FTO: variants seen among roughly 807,000 people sequenced by gnomAD.
FTO encodes the protein alpha-ketoglutarate-dependent dioxygenase FTO.
A neutral mutation model predicts 63.9 loss-of-function variants in FTO; 47 were observed. The ratio of observed to expected loss-of-function variants is 0.74; its 90% CI spans 0.58 to 0.94. The LOEUF (loss-of-function observed/expected upper bound fraction) is 0.94, where lower values mean the gene tolerates loss of function less well. Ranked by LOEUF, FTO falls within the 40% of genes least tolerant of loss-of-function variation. FTO has a pLI of 0.00. For missense variants in FTO, 562 were observed against 618.1 expected (o/e 0.91, Z 0.96); for synonymous variants, 207 against 224.4 (o/e 0.92, Z 0.69).
rs78496368 is a variant in FTO at position 53,829,999 on chromosome 16, G to T, written c.751+3508G>T. On this transcript the variant is annotated intron_variant, in intron 3 of 8. Transcript: ENST00000471389. ...TGGGAATTCAGATACAGAAGTGATT[G>T]CTTCCTGCTGAAATTAAATTCAGTT... Among the ~76,000 whole-genome samples, 422 of 152,280 alleles carry T rather than the reference G, an allele frequency of 2.8e-3. 1 individual carries two copies. The highest frequency in any genetic ancestry group is 9.6e-3 in the African/African-American group (397 of 41,560).
intron 1 of FTO, among the ~76,000 whole-genome samples, chr16:53,802,085 G>GT (rs1057266377): frequency 1.3e-5 from 2 of 152,160 alleles, no homozygotes; most frequent in Admixed American, 6.6e-5. Context: ...TATTTTTATA[G>GT]TTTTTTTGGG....
At chr16:53,784,712 A>G (rs2077686362) in intron 1 of FTO, among the ~76,000 whole-genome samples, 1 of 152,236 alleles carries the variant, frequency 6.6e-6, no homozygotes, top group South Asian at 2.1e-4. Context: ...AGGTTTCATT[A>G]CCAGTCATTG....
intron 8 of FTO, among the ~76,000 whole-genome samples, chr16:54,085,666 G>A (rs936868303): frequency 1.5e-4 from 23 of 152,190 alleles, no homozygotes; most frequent in African/African-American, 5.5e-4. Context: ...TTTTCTGTAA[G>A]TAAGGAGCAT....
At chr16:54,038,852 C>T (rs2085006018) in intron 8 of FTO, among the ~76,000 whole-genome samples, 1 of 152,286 alleles carries the variant, frequency 6.6e-6, no homozygotes, top group African/African-American at 2.4e-5. Context: ...AACCATAAGC[C>T]AAATTAACCT....
At chr16:53,753,981 C>T (rs887538922) in intron 1 of FTO, among the ~76,000 whole-genome samples, 14 of 152,198 alleles carry the variant, frequency 9.2e-5, no homozygotes, top group Admixed American at 3.3e-4. Context: ...ATACAATTGA[C>T]GTCTCCATTT....
intron 7 of FTO, among the ~76,000 whole-genome samples, chr16:53,892,542 C>G (rs1179081998): frequency 6.6e-6 from 1 of 152,134 alleles, no homozygotes. Context: ...CTATCTTACT[C>G]AAAATTATTA....
At chr16:53,857,089 G>A (rs2080022937) in intron 4 of FTO, among the ~76,000 whole-genome samples, 1 of 151,684 alleles carries the variant, frequency 6.6e-6, no homozygotes, top group South Asian at 2.1e-4. Flanking sequence ...TTTTCTCCCA[G>A]CTTTTATTTC....
chr16:53,741,884 G>C (rs1436802544), intron 1 of FTO, among the ~76,000 whole-genome samples: 2 of 152,142 alleles, frequency 1.3e-5, no homozygotes, highest in Admixed American at 1.3e-4. Context: ...AGACTTGACT[G>C]GGGTGGAGGG....
Position 53,888,341 on chromosome 16 carries a change from C to T in FTO, c.1120-491C>T, listed in dbSNP as rs141759593. Among the ~76,000 whole-genome samples the T allele has an allele frequency of 1.4e-3, 83 of 57,694 alleles. 1 individual carries two copies. The East Asian group carries it at 0.053, about 37-fold the overall frequency. 37.8% of individuals were successfully genotyped at this position (57,694 alleles called of 152,430 possible). On this transcript the variant is annotated intron_variant, in intron 6 of 8. Transcript: ENST00000471389. The stretch of plus-strand genomic sequence containing the variant: ...GCCTCAGCCTCCCAAGCAGCCAGGA[C>T]GACCAGCACACACCACTGCCAATTT...
At chr16:54,095,070 TTTTC>T (rs2086485093) in intron 8 of FTO, among the ~76,000 whole-genome samples, 1 of 152,056 alleles carries the variant, frequency 6.6e-6, no homozygotes, top group Non-Finnish European at 1.5e-5. Context: ...CCTAACTCTT[TTTTC>T]TTTCTTTTTT....
intron 1 of FTO, among the ~76,000 whole-genome samples, chr16:53,714,167 G>C (rs1393936591): frequency 1.3e-5 from 2 of 152,208 alleles, no homozygotes; most frequent in Non-Finnish European, 2.9e-5. Flanking sequence ...CTGAGGAGGA[G>C]ATTTGTTGCC....
intron 8 of FTO, among the ~76,000 whole-genome samples, chr16:53,945,341 A>G (rs1267678108): frequency 2.6e-5 from 4 of 152,238 alleles, no homozygotes; most frequent in African/African-American, 9.6e-5. Context: ...AATGTTTTAT[A>G]TGATGAGAAA....
At position 53,982,661 on chromosome 16, in the gene FTO, C is replaced by T. The variant is rs1019859697; in HGVS notation, c.1364+48552C>T. On this transcript the variant is annotated intron_variant, in intron 8 of 8. Coordinates refer to ENST00000471389, the MANE Select transcript of FTO (RefSeq NM_001080432.3). ...AAGCTGTGCCCAAGAAACTTAGTTT[C>T]CTAACTGGGCTCTGCAGCTGTTGAA... Among the ~76,000 whole-genome samples the T allele has an allele frequency of 5.9e-5, 9 of 152,174 alleles. No homozygotes were observed. The South Asian group carries it at 6.2e-4, about 10-fold the overall frequency.
intron 4 of FTO, among the ~76,000 whole-genome samples, chr16:53,861,006 A>G (rs1281208276): frequency 6.6e-6 from 1 of 152,208 alleles, no homozygotes; most frequent in Non-Finnish European, 1.5e-5. Context: ...TACATTTTAC[A>G]TTGTAGATAT....
At position 53,826,002 on chromosome 16, in the gene FTO, A is replaced by G; in HGVS notation, c.262A>G (p.Lys88Glu). 1 of 1,614,226 alleles carries G rather than the reference A, an allele frequency of 6.2e-7. No individual in the cohort carries two copies. Among genetic ancestry groups the G allele is most frequent in the Non-Finnish European group, 8.5e-7 (1 of 1,180,038 alleles). ...LFRDLVRIQGKDLLTPVSRIL... is the reference protein window; with the variant it reads ...LFRDLVRIQGEDLLTPVSRIL... Reference sequence around the variant, plus strand: ...TCGGGACCTGGTTAGGATCCAAGGCAAAGATCTGCTCACTCCGGTATCTCG... The same window carrying G: ...TCGGGACCTGGTTAGGATCCAAGGCGAAGATCTGCTCACTCCGGTATCTCG... The change falls in exon 3 of 9, where the codon AAA becomes GAA. Residue 88 changes from lysine to glutamate, a missense_variant. Coordinates refer to ENST00000471389, the MANE Select transcript of FTO (RefSeq NM_001080432.3).
At chr16:53,917,868 T>C (rs2081917612) in intron 7 of FTO, among the ~76,000 whole-genome samples, 1 of 152,090 alleles carries the variant, frequency 6.6e-6, no homozygotes, top group Admixed American at 6.5e-5. Context: ...TAGGTAGATA[T>C]TATCTAAGGA....
At chr16:53,945,078 C>G (rs939461485) in intron 8 of FTO, among the ~76,000 whole-genome samples, 1 of 152,170 alleles carries the variant, frequency 6.6e-6, no homozygotes, top group Admixed American at 6.5e-5. Context: ...CACAGACACT[C>G]TACGCCTTAG....
rs74515101 is a variant in FTO at position 53,969,542 on chromosome 16, A to C, written c.1364+35433A>C. Among the ~76,000 whole-genome samples the C allele has an allele frequency of 3.5e-3, 530 of 152,282 alleles. 3 individuals are homozygous for C. Among genetic ancestry groups the C allele is most frequent in the African/African-American group, 0.012 (501 of 41,562 alleles). On this transcript the variant is annotated intron_variant, in intron 8 of 8. Coordinates refer to ENST00000471389, the MANE Select transcript of FTO (RefSeq NM_001080432.3). ...GTAAATGAACATAATATATACTGTC[A>C]TTGGTAGTTTGTGCTTTTTTTGTGG...
At chr16:53,976,434 A>T (rs1943321738) in intron 8 of FTO, among the ~76,000 whole-genome samples, 1 of 150,344 alleles carries the variant, frequency 6.7e-6, no homozygotes, top group Admixed American at 6.7e-5. Context: ...CATATACTAA[A>T]TTTGCAGAAA....
Sources: allele counts gnomAD v4.1 joint callset (sites outside exome capture counted in the v4.1 genomes callset), GRCh38; gene constraint gnomAD v4.1.1; transcripts MANE v1.5; gene names NCBI Gene and HGNC (gene_info 2026-07-23, HGNC 2026-07-21).